FAM50B: variants seen among roughly 807,000 people sequenced by gnomAD.
FAM50B encodes family with sequence similarity 50 member B, also known as protein FAM50B.
Under a neutral mutation model 25.4 loss-of-function variants are expected in FAM50B, and 9 were observed. That is an observed-to-expected ratio of 0.35 (90% CI 0.21 to 0.62). FAM50B has a LOEUF of 0.62. Among genes scored for constraint, FAM50B ranks in the 20% least tolerant of loss-of-function variants. FAM50B has a pLI of 0.73. For synonymous variants in FAM50B, 212 were observed against 204.3 expected, an observed-to-expected ratio of 1.04 and a Z score of -0.32; for missense variants, 372 against 477.9, an observed-to-expected ratio of 0.78 and a Z score of 2.07.
the FAM50B span, among the ~76,000 whole-genome samples, chr6:3,841,653 G>A: frequency 6.6e-6 from 1 of 152,174 alleles, no homozygotes; most frequent in African/African-American, 2.4e-5. Flanking sequence ...AAGAGTGCTT[G>A]GTCCTTCACT....
chr6:3,840,924 G>C, the FAM50B span, among the ~76,000 whole-genome samples: 2 of 152,234 alleles, frequency 1.3e-5, no homozygotes, highest in Non-Finnish European at 2.9e-5. Context: ...CTAGCTCAAA[G>C]TGTAACTAGG....
At chr6:3,843,605 G>C in the FAM50B span, among the ~76,000 whole-genome samples, 4,412 of 152,194 alleles carry the variant, frequency 0.029, 159 homozygotes, top group East Asian at 0.15. Flanking sequence ...TAGGTTTCTT[G>C]TTCAAGCTTT....
At position 3,850,080 on chromosome 6, in the gene FAM50B, A is replaced by T; in HGVS notation, c.269A>T (p.Lys90Met). ...AGGGAGCGCGAGCGGCAGCTGGCCA[A>T]GCGCCAGCACCTGGAGGAGCAGCGG... is the stretch of plus-strand genomic sequence containing the variant. ...LVRERERQLAKRQHLEEQRLQ... is the reference protein window; with the variant it reads ...LVRERERQLAMRQHLEEQRLQ... The change falls in exon 2 of 2, where the codon AAG becomes ATG. Residue 90 changes from lysine to methionine, a missense_variant. By Grantham distance (95) the Lys-to-Met change is moderately conservative. This residue lies in a region of FAM50B where 224 missense variants were observed against 232.2 expected (regional missense o/e 0.96). Transcript: ENST00000648326. 6.2e-7 allele frequency: 1 copy of T among 1,610,590 alleles called. No individual in the cohort carries two copies. Among genetic ancestry groups the T allele is most frequent in the Admixed American group, 1.7e-5 (1 of 59,738 alleles).
chr6:3,847,575 C>T (rs1268331092), upstream of FAM50B, among the ~76,000 whole-genome samples: 1 of 152,244 alleles, frequency 6.6e-6, no homozygotes, highest in Non-Finnish European at 1.5e-5. Flanking sequence ...ATCTTCTATC[C>T]AGACCACTAG....
At chr6:3,847,131 A>G (rs572762878), upstream of FAM50B, among the ~76,000 whole-genome samples, 17 of 152,350 alleles carry the variant, frequency 1.1e-4, no homozygotes, top group Admixed American at 2.6e-4. Flanking sequence ...CAGAATGGTA[A>G]GTGAGCATTG....
At chr6:3,838,097 G>A in the FAM50B span, among the ~76,000 whole-genome samples, 1 of 152,180 alleles carries the variant, frequency 6.6e-6, no homozygotes, top group Non-Finnish European at 1.5e-5. Context: ...ATTTTATTAA[G>A]TTAAACAAAG....
rs775195740 is a variant in FAM50B at position 3,850,149 on chromosome 6, G to A, written c.338G>A (p.Arg113His). The change falls in exon 2 of 2, where the codon CGC becomes CAC. Residue 113 changes from arginine to histidine, a missense_variant. By Grantham distance (29) the Arg-to-His change is conservative. This residue lies in a region of FAM50B where 224 missense variants were observed against 232.2 expected (regional missense o/e 0.96). Transcript: ENST00000648326. ...CGGGAGCAGGAGCAGCGGCGCGAGC[G>A]CAAGCGTAAGATCTCCTGCCTGTCC... Reference protein sequence around the residue: ...RQREQEQRRERKRKISCLSFA... With the variant: ...RQREQEQRREHKRKISCLSFA... 1 of 1,611,784 alleles carries A rather than the reference G, an allele frequency of 6.2e-7. No homozygotes were observed. The highest frequency in any genetic ancestry group is 8.5e-7 in the Non-Finnish European group (1 of 1,179,578).
the FAM50B span, among the ~76,000 whole-genome samples, chr6:3,842,139 G>T: frequency 4.6e-5 from 7 of 152,372 alleles, no homozygotes; most frequent in South Asian, 1.2e-3. Flanking sequence ...CTTTCAGTTT[G>T]ACGAAGGAAG....
At chr6:3,832,237 A>G in the FAM50B span, among the ~76,000 whole-genome samples, 1 of 152,232 alleles carries the variant, frequency 6.6e-6, no homozygotes, top group African/African-American at 2.4e-5. Context: ...AGAAACTAGG[A>G]AGACCTTTTT....
chr6:3,850,795 G>C lies in FAM50B; in HGVS notation c.*6G>C, dbSNP rs1199274197. ...ACAAGTACACCATCCGCTAACACCC[G>C]CCTGCCAGAGCGGAAACCGGGGGTG... On this transcript the variant is annotated 3_prime_UTR_variant, in exon 2 of 2. Coordinates refer to ENST00000648326, the MANE Select transcript of FAM50B (RefSeq NM_012135.3). 1 of 1,610,758 alleles carries C rather than the reference G, an allele frequency of 6.2e-7. No individual in the cohort carries two copies. The highest frequency in any genetic ancestry group is 8.5e-7 in the Non-Finnish European group (1 of 1,177,908).
chr6:3,849,361 C>T (rs375276048), upstream of FAM50B: 69 of 157,132 alleles, frequency 4.4e-4, 1 homozygote, highest in East Asian at 0.012. Flanking sequence ...CGCCAGGGGG[C>T]GCACCGCCTC....
At position 3,850,118 on chromosome 6, in the gene FAM50B, C is replaced by CGGCAGCGGGAGCAGG; in HGVS notation, c.308_322dup (p.Gln107_Glu108insGlyGlnArgGluGln). ...GGAGGAGCAGCGGCTGCAGCAGGAG[C>CGGCAGCGGGAGCAGG]GGCAGCGGGAGCAGGAGCAGCGGCG... On this transcript the variant is annotated inframe_insertion, in exon 2 of 2. Transcript: ENST00000648326. The CGGCAGCGGGAGCAGG allele has an allele frequency of 6.2e-7, 1 of 1,607,982 alleles. No homozygotes were observed. Among genetic ancestry groups the CGGCAGCGGGAGCAGG allele is most frequent in the Non-Finnish European group, 8.5e-7 (1 of 1,177,990 alleles).
the FAM50B span, among the ~76,000 whole-genome samples, chr6:3,834,132 A>G: frequency 6.6e-6 from 1 of 152,146 alleles, no homozygotes; most frequent in East Asian, 1.9e-4. Flanking sequence ...GTTCAGAACT[A>G]GATCTCAACA....
At chr6:3,845,421 A>C (rs893387017), upstream of FAM50B, among the ~76,000 whole-genome samples, 10 of 152,212 alleles carry the variant, frequency 6.6e-5, no homozygotes, top group Admixed American at 4.6e-4. Context: ...GAAAGAGTGA[A>C]TATAGTATTT....
At chr6:3,839,073 T>C in the FAM50B span, among the ~76,000 whole-genome samples, 1 of 151,642 alleles carries the variant, frequency 6.6e-6, no homozygotes, top group East Asian at 1.9e-4. Context: ...GATCGGGTGA[T>C]TTATAAAGAA....
At chr6:3,839,512 G>A in the FAM50B span, among the ~76,000 whole-genome samples, 3 of 152,274 alleles carry the variant, frequency 2.0e-5, no homozygotes, top group Admixed American at 6.5e-5. Context: ...GACTCAAAGG[G>A]ATAATACAAG....
chr6:3,840,055 C>T, the FAM50B span, among the ~76,000 whole-genome samples: 11 of 152,028 alleles, frequency 7.2e-5, no homozygotes, highest in South Asian at 2.1e-3. Context: ...TGCAGTGGCG[C>T]GATCTCGGCT....
the FAM50B span, chr6:3,833,994 A>G: frequency 6.6e-6 from 1 of 152,276 alleles, no homozygotes; most frequent in Non-Finnish European, 1.5e-5. Context: ...AAACATTTTT[A>G]AAATTATTTT....
At chr6:3,844,708 C>T (rs374355385), upstream of FAM50B, among the ~76,000 whole-genome samples, 5 of 151,850 alleles carry the variant, frequency 3.3e-5, no homozygotes, top group African/African-American at 9.7e-5. Flanking sequence ...AGCCAGACTC[C>T]GTCTCAAAAA....
Sources: allele counts gnomAD v4.1 joint callset (sites outside exome capture counted in the v4.1 genomes callset), GRCh38; gene constraint gnomAD v4.1.1; regional missense constraint gnomAD v4.1.1; transcripts MANE v1.5; gene names NCBI Gene and HGNC (gene_info 2026-07-23, HGNC 2026-07-21).